The following PCTP variants were observed in gnomAD, a reference collection of about 807,000 sequenced individuals.
PCTP encodes START domain-containing protein 2.
PCTP carries 27 observed loss-of-function variants against 31.0 expected under a neutral mutation model. The ratio of observed to expected loss-of-function variants is 0.87; its 90% CI spans 0.64 to 1.20. The LOEUF is 1.20. Ranked by LOEUF, PCTP falls within the 50% of genes most tolerant of loss-of-function variation. PCTP has a pLI of 0.00. For missense variants in PCTP, 287 were observed against 268.2 expected (o/e 1.07, Z -0.49); for synonymous variants, 108 against 101.2 (o/e 1.07, Z -0.40).
chr17:55,787,972 A>G (rs965827957), intron 3 of PCTP, among the ~76,000 whole-genome samples: 5 of 152,156 alleles, frequency 3.3e-5, no homozygotes, highest in African/African-American at 9.7e-5. Flanking sequence ...TCAGAGTACA[A>G]TGGGACTGTT....
At chr17:55,765,158 C>A (rs1209551302) in intron 1 of PCTP, among the ~76,000 whole-genome samples, 1 of 152,148 alleles carries the variant, frequency 6.6e-6, no homozygotes, top group Admixed American at 6.5e-5. Context: ...TATACAGAAT[C>A]AAAAAGAAGC....
intron 5 of PCTP, among the ~76,000 whole-genome samples, chr17:55,828,762 G>A (rs1414338173): frequency 6.6e-6 from 1 of 152,190 alleles, no homozygotes; most frequent in Non-Finnish European, 1.5e-5. Flanking sequence ...AGAAGATGGG[G>A]GAGGGGGCAA....
At chr17:55,792,158 G>A (rs1465967485) in intron 3 of PCTP, among the ~76,000 whole-genome samples, 3 of 122,018 alleles carry the variant, frequency 2.5e-5, no homozygotes, top group African/African-American at 9.4e-5. Flanking sequence ...GACTGTTGTG[G>A]GGTGGGGGGA....
downstream of PCTP, among the ~76,000 whole-genome samples, chr17:55,845,690 G>T (rs1176337138): frequency 6.6e-6 from 1 of 152,092 alleles, no homozygotes; most frequent in African/African-American, 2.4e-5. Context: ...AGCTCCGCGC[G>T]GCGGGCCCTG....
chr17:55,807,485 A>C (rs958856007), intron 3 of PCTP, among the ~76,000 whole-genome samples: 2 of 152,136 alleles, frequency 1.3e-5, no homozygotes, highest in Admixed American at 1.3e-4. Flanking sequence ...CACAAAGAGA[A>C]TTTTTAGATC....
intron 2 of PCTP, among the ~76,000 whole-genome samples, chr17:55,782,672 A>C (rs1450266584): frequency 6.6e-6 from 1 of 152,038 alleles, no homozygotes. Flanking sequence ...TGTTCCATCA[A>C]TGTGCCAAGC....
At chr17:55,771,210 TC>T (rs1597985183) in intron 3 of PCTP, 25 bp downstream of exon 3, 1 of 1,549,450 alleles carries the variant, frequency 6.5e-7, no homozygotes, top group Non-Finnish European at 8.9e-7. Flanking sequence ...AGGTACTCAT[TC>T]CCTGGCCCTC....
At chr17:55,836,960 G>A (rs908613984) in intron 5 of PCTP, among the ~76,000 whole-genome samples, 5 of 152,128 alleles carry the variant, frequency 3.3e-5, no homozygotes, top group South Asian at 4.1e-4. Context: ...GAATAGAGAA[G>A]GTGTCCCTGA....
chr17:55,814,676 G>A (rs866278915), intron 3 of PCTP, among the ~76,000 whole-genome samples: 49 of 152,260 alleles, frequency 3.2e-4, no homozygotes, highest in African/African-American at 1.1e-3. Flanking sequence ...TGCTTGCACT[G>A]TCATGGAAGG....
At chr17:55,798,153 T>C (rs926156544) in intron 3 of PCTP, among the ~76,000 whole-genome samples, 2 of 151,840 alleles carry the variant, frequency 1.3e-5, no homozygotes. Context: ...AATGTAAAAA[T>C]GTCAGTTGGA....
chr17:55,814,899 A>G (rs943060957), intron 3 of PCTP, among the ~76,000 whole-genome samples: 2 of 152,188 alleles, frequency 1.3e-5, no homozygotes, highest in African/African-American at 4.8e-5. Context: ...GGGCTCTCTG[A>G]TGCATGCTCT....
intron 3 of PCTP, among the ~76,000 whole-genome samples, chr17:55,798,973 A>G (rs2145020686): frequency 6.6e-6 from 1 of 151,940 alleles, no homozygotes; most frequent in East Asian, 1.9e-4. Context: ...CTTGCAAGTA[A>G]TAAAAATATA....
At chr17:55,751,423 A>G in intron 1 of PCTP, 179 bp downstream of exon 1, 1 of 1,534,298 alleles carries the variant, frequency 6.5e-7, no homozygotes, top group Non-Finnish European at 8.7e-7. Context: ...GGTGCCTCCA[A>G]GTGACTGCCG....
At chr17:55,777,456 A>G (rs1457013311), downstream of PCTP, 1 of 910,194 alleles carries the variant, frequency 1.1e-6, no homozygotes, top group Non-Finnish European at 1.3e-6. Context: ...TGCAAGTGAT[A>G]TTCAGCCTAA....
At chr17:55,805,955 G>A (rs1241072916) in intron 3 of PCTP, among the ~76,000 whole-genome samples, 2 of 149,884 alleles carry the variant, frequency 1.3e-5, no homozygotes, top group Non-Finnish European at 3.0e-5. Context: ...CATTTTTGGT[G>A]AGAGTGATAC....
chr17:55,829,374 G>C (rs1389759404), intron 5 of PCTP, among the ~76,000 whole-genome samples: 1 of 152,024 alleles, frequency 6.6e-6, no homozygotes, highest in African/African-American at 2.4e-5. Flanking sequence ...GCAATGGTGC[G>C]ATCTCGGCTC....
At chr17:55,782,892 C>A (rs759878799) in intron 2 of PCTP, among the ~76,000 whole-genome samples, 1 of 152,140 alleles carries the variant, frequency 6.6e-6, no homozygotes, top group African/African-American at 2.4e-5. Flanking sequence ...ATTTTCTGTT[C>A]ATTTATTTCA....
chr17:55,812,482 T>G (rs1339266671), intron 3 of PCTP, among the ~76,000 whole-genome samples: 2 of 152,182 alleles, frequency 1.3e-5, no homozygotes, highest in Non-Finnish European at 2.9e-5. Flanking sequence ...TATGAAAACA[T>G]GCAATGTGGG....
chr17:55,753,705 CCTGA>C (rs1396880885), intron 1 of PCTP, among the ~76,000 whole-genome samples: 2 of 152,178 alleles, frequency 1.3e-5, no homozygotes, highest in African/African-American at 4.8e-5. Context: ...TTACCATAGA[CCTGA>C]CATCTTCTCC....
Sources: allele counts gnomAD v4.1 joint callset (sites outside exome capture counted in the v4.1 genomes callset), GRCh38; gene constraint gnomAD v4.1.1; transcripts MANE v1.5; gene names NCBI Gene and HGNC (gene_info 2026-07-23, HGNC 2026-07-21).